PKIB: variants seen among roughly 807,000 people sequenced by gnomAD.
The protein encoded by PKIB is cAMP-dependent protein kinase inhibitor beta, also known as PKI-beta.
Under a neutral mutation model 4.5 loss-of-function variants are expected in PKIB, and 2 were observed. The ratio of observed to expected loss-of-function variants is 0.44; its 90% CI spans 0.18 to 1.39. PKIB has a LOEUF of 1.39. Among genes scored for constraint, PKIB ranks in the 40% most tolerant of loss-of-function variants. The pLI, the probability that PKIB is intolerant of heterozygous loss-of-function variation, is 0.27. For missense variants in PKIB, 94 were observed against 92.6 expected (o/e 1.02, Z -0.06); for synonymous variants, 38 against 36.0 (o/e 1.06, Z -0.20).
chr6:122,610,306 T>A (rs1227627887), upstream of PKIB: 1 of 152,214 alleles, frequency 6.6e-6, no homozygotes, highest in African/African-American at 2.4e-5. Context: ...GGACACCGCC[T>A]GGGGAGCCGC....
At chr6:122,555,383 A>AT (rs1382484827) in intron 2 of PKIB, among the ~76,000 whole-genome samples, 1 of 152,276 alleles carries the variant, frequency 6.6e-6, no homozygotes, top group Admixed American at 6.5e-5. Context: ...AGCCAAGGCC[A>AT]TAAAAACAGT....
intron 2 of PKIB, among the ~76,000 whole-genome samples, chr6:122,529,986 G>A (rs67341633): frequency 3.3e-5 from 5 of 151,780 alleles, no homozygotes; most frequent in African/African-American, 1.2e-4. Context: ...CTTCAGATCT[G>A]GGCTATTTTC....
At chr6:122,549,027 T>C (rs1196037106) in intron 2 of PKIB, among the ~76,000 whole-genome samples, 3 of 152,188 alleles carry the variant, frequency 2.0e-5, no homozygotes, top group Non-Finnish European at 4.4e-5. Context: ...CTACAACCCA[T>C]GGAAAGAAAT....
chr6:122,488,410 A>G (rs1196186234), intron 2 of PKIB, among the ~76,000 whole-genome samples: 2 of 151,814 alleles, frequency 1.3e-5, no homozygotes, highest in Non-Finnish European at 2.9e-5. Flanking sequence ...TTTTCCCTTC[A>G]TATTCTTTTG....
At chr6:122,476,786 T>C (rs17052984) in intron 1 of PKIB, among the ~76,000 whole-genome samples, 1,787 of 152,330 alleles carry the variant, frequency 0.012, 35 homozygotes, top group African/African-American at 0.041. Flanking sequence ...ATTTCACTTT[T>C]CAAGGGCAGA....
chr6:122,667,462 G>A (rs1408292411), intron 2 of PKIB, among the ~76,000 whole-genome samples: 2 of 152,232 alleles, frequency 1.3e-5, no homozygotes, highest in Admixed American at 6.5e-5. Context: ...GCATGAACCC[G>A]GGAGGCGGAG....
chr6:122,595,252 C>G (rs1461369555), intron 3 of PKIB, among the ~76,000 whole-genome samples: 1 of 152,166 alleles, frequency 6.6e-6, no homozygotes, highest in Non-Finnish European at 1.5e-5. Context: ...TTCTGGAGAA[C>G]TTTTCCCTAG....
intron 3 of PKIB, among the ~76,000 whole-genome samples, chr6:122,684,824 G>A (rs1778034446): frequency 6.6e-6 from 1 of 152,006 alleles, no homozygotes; most frequent in Non-Finnish European, 1.5e-5. Context: ...CCTCTTGACT[G>A]CCTTTAATAG....
chr6:122,550,569 C>A (rs1431646818), intron 2 of PKIB, among the ~76,000 whole-genome samples: 1 of 152,148 alleles, frequency 6.6e-6, no homozygotes, highest in Admixed American at 6.5e-5. Flanking sequence ...TCTTTTGATA[C>A]CATTTTCACC....
At chr6:122,640,803 G>T (rs1054872006) in intron 2 of PKIB, among the ~76,000 whole-genome samples, 1 of 152,068 alleles carries the variant, frequency 6.6e-6, no homozygotes, top group Non-Finnish European at 1.5e-5. Context: ...CTGCAATAAT[G>T]AATATTTAAA....
At chr6:122,481,095 GA>G (rs1775598082) in intron 2 of PKIB, 1 of 152,136 alleles carries the variant, frequency 6.6e-6, no homozygotes, top group African/African-American at 2.4e-5. Flanking sequence ...TGGAAAACCT[GA>G]CAGACACCTT....
intron 3 of PKIB, chr6:122,701,406 T>G: frequency 6.6e-7 from 1 of 1,524,282 alleles, no homozygotes; most frequent in African/African-American, 1.4e-5. Flanking sequence ...AAGTACTGAC[T>G]GGTTAAGGCA....
chr6:122,534,189 A>G (rs182232617), intron 2 of PKIB, among the ~76,000 whole-genome samples: 1 of 149,570 alleles, frequency 6.7e-6, no homozygotes, highest in East Asian at 1.9e-4. Context: ...AATATATTAT[A>G]TACAATTGAG....
chr6:122,627,162 A>G (rs2435850), intron 1 of PKIB, among the ~76,000 whole-genome samples: 148,961 of 150,996 alleles, frequency 0.99, 73,501 homozygotes, highest in Middle Eastern at 1. Context: ...AAAACGGCGT[A>G]AACCCGGGAG....
intron 2 of PKIB, chr6:122,644,714 T>C (rs1311905126): frequency 1.3e-5 from 2 of 151,974 alleles, no homozygotes; most frequent in Non-Finnish European, 2.9e-5. Flanking sequence ...GTTATCATTT[T>C]AAGTGTTTCT....
At chr6:122,520,789 TC>T (rs1292607317) in intron 2 of PKIB, among the ~76,000 whole-genome samples, 1 of 152,004 alleles carries the variant, frequency 6.6e-6, no homozygotes, top group Non-Finnish European at 1.5e-5. Flanking sequence ...ACCATTACAA[TC>T]AACACATTTT....
chr6:122,701,391 G>A (rs1374696721), intron 3 of PKIB: 3 of 1,466,288 alleles, frequency 2.0e-6, no homozygotes, highest in Admixed American at 2.0e-5. Flanking sequence ...TGGTAAGCAG[G>A]AATGAAGTAC....
At chr6:122,561,419 T>G (rs867854679) in intron 2 of PKIB, among the ~76,000 whole-genome samples, 13 of 152,194 alleles carry the variant, frequency 8.5e-5, no homozygotes, top group Middle Eastern at 3.4e-3. Context: ...TGATATAATT[T>G]TAATTTTATT....
chr6:122,714,100 A>G (rs1442933537), intron 3 of PKIB, among the ~76,000 whole-genome samples: 4 of 152,206 alleles, frequency 2.6e-5, no homozygotes, highest in African/African-American at 9.7e-5. Context: ...CCCAGCTAAG[A>G]GTCACCTTGT....
Sources: gnomAD v4.1 joint callset for allele counts (sites outside exome capture counted in the v4.1 genomes callset) on GRCh38, gnomAD v4.1.1 for gene constraint, MANE v1.5 for transcripts, NCBI Gene and HGNC (gene_info 2026-07-23, HGNC 2026-07-21) for gene names.